Variants in STK32B observed in about 807,000 individuals in gnomAD.
STK32B encodes serine/threonine-protein kinase 32B.
STK32B carries 43 observed loss-of-function variants against 52.6 expected under a neutral mutation model. That is an observed-to-expected ratio of 0.82 (90% CI 0.64 to 1.05). STK32B has a LOEUF of 1.05. Among genes scored for constraint, STK32B ranks in the 50% least tolerant of loss-of-function variants. The pLI, the probability that STK32B is intolerant of heterozygous loss-of-function variation, is 0.00. For missense variants in STK32B, 621 were observed against 534.6 expected (o/e 1.16, Z -1.59); for synonymous variants, 238 against 204.3 (o/e 1.17, Z -1.41).
intron 3 of STK32B, among the ~76,000 whole-genome samples, chr4:5,194,418 G>A (rs1025694028): frequency 6.6e-6 from 1 of 152,206 alleles, no homozygotes; most frequent in African/African-American, 2.4e-5. Flanking sequence ...AGATTCTCAA[G>A]GGTAGGGACC....
chr4:5,424,751 TGG>T (rs1712941788), intron 6 of STK32B, among the ~76,000 whole-genome samples: 1 of 151,836 alleles, frequency 6.6e-6, no homozygotes, highest in Admixed American at 6.6e-5. Flanking sequence ...TGCTGAATGG[TGG>T]GAGTGAAAGA....
At chr4:5,476,796 G>A (rs1336506599) in intron 11 of STK32B, among the ~76,000 whole-genome samples, 1 of 150,884 alleles carries the variant, frequency 6.6e-6, no homozygotes, top group African/African-American at 2.4e-5. Flanking sequence ...TTATGAAGAG[G>A]TCACACTAGA....
chr4:5,102,902 C>T (rs1347382194), intron 1 of STK32B, among the ~76,000 whole-genome samples: 1 of 81,706 alleles, frequency 1.2e-5, no homozygotes, highest in East Asian at 4.2e-4. Flanking sequence ...TTCCTTCCTT[C>T]CTCCCTCCCC....
chr4:5,438,859 T>A (rs1478697545), intron 6 of STK32B, among the ~76,000 whole-genome samples: 1 of 152,018 alleles, frequency 6.6e-6, no homozygotes, highest in Non-Finnish European at 1.5e-5. Context: ...GGTGTTTGGT[T>A]TTTTGTTCTT....
chr4:5,052,440 G>A (rs73794742), intron 1 of STK32B, among the ~76,000 whole-genome samples: 1,796 of 152,112 alleles, frequency 0.012, 38 homozygotes, highest in African/African-American at 0.04. Context: ...AAACTCTGTG[G>A]TTCCTAGGAG....
chr4:5,177,148 G>A (rs1719970270), intron 3 of STK32B, among the ~76,000 whole-genome samples: 1 of 152,190 alleles, frequency 6.6e-6, no homozygotes, highest in South Asian at 2.1e-4. Context: ...CCAAGACTGG[G>A]TGATTTATAA....
intron 3 of STK32B, among the ~76,000 whole-genome samples, chr4:5,297,818 C>T (rs1729304571): frequency 6.6e-6 from 1 of 151,096 alleles, no homozygotes; most frequent in African/African-American, 2.5e-5. Context: ...CAGTGTTGCT[C>T]CCTGGCTGGC....
At chr4:5,042,877 C>T in the STK32B span, among the ~76,000 whole-genome samples, 1 of 151,956 alleles carries the variant, frequency 6.6e-6, no homozygotes, top group East Asian at 1.9e-4. Flanking sequence ...GAGGCCGAGG[C>T]GGGTGGATCA....
At chr4:5,192,295 A>G (rs1231913552) in intron 3 of STK32B, among the ~76,000 whole-genome samples, 1 of 152,238 alleles carries the variant, frequency 6.6e-6, no homozygotes, top group Non-Finnish European at 1.5e-5. Flanking sequence ...GTACAACTCC[A>G]GGACACCTTG....
chr4:5,069,961 A>G (rs1982349), intron 1 of STK32B, among the ~76,000 whole-genome samples: 27,427 of 152,118 alleles, frequency 0.18, 2,823 homozygotes, highest in Non-Finnish European at 0.25. Context: ...CCATAGGTCA[A>G]TGGCTTCATC....
upstream of STK32B, among the ~76,000 whole-genome samples, chr4:5,047,542 C>CA (rs1741643559): frequency 1.3e-5 from 2 of 152,172 alleles, no homozygotes; most frequent in South Asian, 4.2e-4. Context: ...ATGTTTCTGA[C>CA]AAAATCTCCA....
chr4:5,395,804 G>A lies in STK32B; in HGVS notation c.435-2403G>A, dbSNP rs74980738. ...GCAGGTAGTCAAAAGTGAGACTGGA[G>A]TTGGAACACAGACTGTCTAGATCAT... On this transcript the variant is annotated intron_variant, in intron 4 of 11. Transcript: ENST00000282908. The surrounding 1 kb of genome is among the most constrained non-coding windows in gnomAD (Gnocchi z 4.4). Among the ~76,000 whole-genome samples the A allele has an allele frequency of 2.6e-5, 4 of 152,262 alleles. No homozygotes were observed. Among genetic ancestry groups the A allele is most frequent in the African/African-American group, 7.2e-5 (3 of 41,474 alleles).
At chr4:5,132,083 T>C (rs755202802) in intron 1 of STK32B, among the ~76,000 whole-genome samples, 7 of 152,200 alleles carry the variant, frequency 4.6e-5, no homozygotes, top group Non-Finnish European at 5.9e-5. Flanking sequence ...GCTCCATCCA[T>C]CTTGCTGCAA....
chr4:5,282,146 C>T (rs751632210), intron 3 of STK32B, among the ~76,000 whole-genome samples: 4 of 152,074 alleles, frequency 2.6e-5, no homozygotes, highest in Non-Finnish European at 4.4e-5. Context: ...AAAGTAGTCC[C>T]ACTTATCCAT....
intron 3 of STK32B, among the ~76,000 whole-genome samples, chr4:5,317,204 ATATATATAACATATATATAT>A (rs1182113748): frequency 0.012 from 605 of 48,440 alleles, 17 homozygotes; most frequent in South Asian, 0.02. Context: ...TATATATATT[ATATATATAACATATATATAT>A]TATATATAAC....
At chr4:5,024,143 A>G in the STK32B span, among the ~76,000 whole-genome samples, 1 of 152,186 alleles carries the variant, frequency 6.6e-6, no homozygotes, top group Non-Finnish European at 1.5e-5. Context: ...TGTCATCTTG[A>G]CTAGGCTACC....
chr4:5,073,044 A>G (rs1191219278), intron 1 of STK32B, among the ~76,000 whole-genome samples: 1 of 152,028 alleles, frequency 6.6e-6, no homozygotes. Flanking sequence ...ATTTATTTGT[A>G]TCTTTGAATA....
chr4:5,421,756 T>C (rs1163261360), intron 6 of STK32B, among the ~76,000 whole-genome samples: 3 of 152,192 alleles, frequency 2.0e-5, no homozygotes, highest in Admixed American at 6.5e-5. Flanking sequence ...GGAGAAGAAA[T>C]CTGACCTGTA....
At chr4:5,444,649 A>G (rs1715214598) in intron 6 of STK32B, among the ~76,000 whole-genome samples, 1 of 152,284 alleles carries the variant, frequency 6.6e-6, no homozygotes, top group African/African-American at 2.4e-5. Flanking sequence ...ATTCTTAAGG[A>G]TCATGATTTG....
Sources: gnomAD v4.1 joint callset for allele counts (sites outside exome capture counted in the v4.1 genomes callset) on GRCh38, gnomAD v4.1.1 for gene constraint, Gnocchi (gnomAD v3.1) non-coding constraint, MANE v1.5 for transcripts, NCBI Gene and HGNC (gene_info 2026-07-23, HGNC 2026-07-21) for gene names.